The following TUSC3 variants were observed in gnomAD, a reference collection of about 807,000 sequenced individuals.
The protein encoded by TUSC3 is tumor suppressor candidate 3.
In TUSC3, 45 loss-of-function variants were observed where a neutral mutation model predicts 44.8. The observed-to-expected ratio is 1.00, with a 90% confidence interval of 0.79 to 1.29. The LOEUF (loss-of-function observed/expected upper bound fraction) is 1.29, where lower values mean the gene tolerates loss of function less well. Ranked by LOEUF, TUSC3 falls within the 50% of genes most tolerant of loss-of-function variation. TUSC3 has a pLI of 0.00. For synonymous variants in TUSC3, 212 were observed against 152.9 expected (o/e 1.39, Z -2.85); for missense variants, 519 against 437.9 (o/e 1.19, Z -1.65).
intron 1 of TUSC3, among the ~76,000 whole-genome samples, chr8:15,566,041 G>C (rs1471395191): frequency 2.6e-5 from 4 of 152,102 alleles, no homozygotes; most frequent in Admixed American, 6.6e-5. Flanking sequence ...CTGATTCAGA[G>C]TAGTACATTT....
At chr8:15,634,410 C>G (rs1366249912) in intron 2 of TUSC3, among the ~76,000 whole-genome samples, 1 of 152,152 alleles carries the variant, frequency 6.6e-6, no homozygotes, top group African/African-American at 2.4e-5. Flanking sequence ...GCAGGCCATC[C>G]CTTGTTCTCT....
At chr8:15,768,349 T>C (rs1457335020), downstream of TUSC3, among the ~76,000 whole-genome samples, 4 of 152,094 alleles carry the variant, frequency 2.6e-5, no homozygotes, top group African/African-American at 9.7e-5. Flanking sequence ...CAGAATCTAG[T>C]TTCCAGAGTT....
the TUSC3 span, among the ~76,000 whole-genome samples, chr8:15,825,886 T>TG: frequency 2.9e-5 from 1 of 34,474 alleles, no homozygotes; most frequent in Admixed American, 4.1e-4. Flanking sequence ...CAGTTGTTTC[T>TG]TTTTTTTTTT....
chr8:15,643,972 C>T (rs1179806206), intron 2 of TUSC3, among the ~76,000 whole-genome samples: 1 of 152,036 alleles, frequency 6.6e-6, no homozygotes, highest in Non-Finnish European at 1.5e-5. Flanking sequence ...TAAAGACATA[C>T]AATGGTATTT....
At chr8:15,712,554 A>G (rs1233526557) in intron 6 of TUSC3, among the ~76,000 whole-genome samples, 1 of 151,812 alleles carries the variant, frequency 6.6e-6, no homozygotes, top group African/African-American at 2.4e-5. Context: ...CACCCCTTTT[A>G]AAAAGGATTT....
intron 2 of TUSC3, among the ~76,000 whole-genome samples, chr8:15,518,456 C>T (rs73193332): frequency 0.14 from 21,127 of 152,078 alleles, 1,934 homozygotes; most frequent in Non-Finnish European, 0.21. Context: ...TATTTCTTCT[C>T]TGTATTAAAG....
At chr8:15,665,030 A>G (rs1412267502) in intron 5 of TUSC3, among the ~76,000 whole-genome samples, 1 of 151,508 alleles carries the variant, frequency 6.6e-6, no homozygotes, top group Non-Finnish European at 1.5e-5. Flanking sequence ...AGACTGTCCA[A>G]AATGCTGACC....
chr8:15,824,865 T>C, the TUSC3 span, among the ~76,000 whole-genome samples: 1 of 152,242 alleles, frequency 6.6e-6, no homozygotes, highest in Non-Finnish European at 1.5e-5. Flanking sequence ...TAGCATTTCC[T>C]GCCTCTTTTT....
the TUSC3 span, among the ~76,000 whole-genome samples, chr8:15,828,828 C>G: frequency 3.9e-5 from 6 of 152,164 alleles, no homozygotes; most frequent in African/African-American, 1.4e-4. Flanking sequence ...GTCTGTTTTT[C>G]TTTCTTTGTG....
At chr8:15,635,838 G>C (rs1041985743) in intron 2 of TUSC3, among the ~76,000 whole-genome samples, 5 of 152,170 alleles carry the variant, frequency 3.3e-5, no homozygotes, top group African/African-American at 9.7e-5. Flanking sequence ...GATCTGGTAA[G>C]TGTAGGTTTA....
intron 1 of TUSC3, among the ~76,000 whole-genome samples, chr8:15,449,528 G>A (rs1356017825): frequency 1.3e-5 from 2 of 152,094 alleles, no homozygotes; most frequent in Non-Finnish European, 2.9e-5. Flanking sequence ...TCAGGCAGTT[G>A]GTTAAAATCA....
At chr8:15,444,057 A>G (rs73191173) in intron 1 of TUSC3, among the ~76,000 whole-genome samples, 25,786 of 152,192 alleles carry the variant, frequency 0.17, 2,430 homozygotes, top group Middle Eastern at 0.24. Context: ...CCACAGAACC[A>G]GTTCTGTATG....
the TUSC3 span, among the ~76,000 whole-genome samples, chr8:15,782,908 C>A: frequency 6.6e-6 from 1 of 151,872 alleles, no homozygotes; most frequent in East Asian, 1.9e-4. Context: ...AAAAGATGTT[C>A]AAATTGAAAA....
At chr8:15,484,413 A>C (rs1191001477) in intron 2 of TUSC3, among the ~76,000 whole-genome samples, 1 of 152,220 alleles carries the variant, frequency 6.6e-6, no homozygotes, top group Admixed American at 6.5e-5. Context: ...TATTTTTATA[A>C]AGGTACTGAA....
chr8:15,421,098 C>T (rs151043405), intron 1 of TUSC3, among the ~76,000 whole-genome samples: 106 of 152,300 alleles, frequency 7.0e-4, no homozygotes, highest in African/African-American at 2.5e-3. Flanking sequence ...CAAATTAATA[C>T]ATCCAAAACT....
In TUSC3 at chr8:15,743,669, G is replaced by A. The variant is rs944614836; in HGVS notation, c.937+57G>A. On this transcript the variant is annotated intron_variant, in intron 8 of 10. Transcript: ENST00000503731. ...CGTTTTAGTCTTAAGATTCATTTAA[G>A]TCAAATGGGAAATACATAAAAGCCC... 6 of 1,566,486 alleles carry A rather than the reference G, an allele frequency of 3.8e-6. No homozygotes were observed. In the Admixed American group the frequency reaches 5.0e-5, roughly 13 times the overall value.
At chr8:15,790,781 G>C in the TUSC3 span, among the ~76,000 whole-genome samples, 1 of 152,116 alleles carries the variant, frequency 6.6e-6, no homozygotes, top group Non-Finnish European at 1.5e-5. Context: ...AGGTGTATTT[G>C]AGGATATGAA....
chr8:15,821,470 T>G, the TUSC3 span, among the ~76,000 whole-genome samples: 1 of 151,554 alleles, frequency 6.6e-6, no homozygotes, highest in South Asian at 2.1e-4. Context: ...CTTCAAGATT[T>G]TTTTCTTTCC....
chr8:15,567,777 T>G (rs938096997), intron 1 of TUSC3, among the ~76,000 whole-genome samples: 5 of 152,170 alleles, frequency 3.3e-5, no homozygotes, highest in African/African-American at 1.2e-4. Flanking sequence ...CTACAAAATT[T>G]TGTGGTTATT....
Sources: allele counts gnomAD v4.1 joint callset (sites outside exome capture counted in the v4.1 genomes callset), GRCh38; gene constraint gnomAD v4.1.1; transcripts MANE v1.5; gene names NCBI Gene and HGNC (gene_info 2026-07-23, HGNC 2026-07-21).